Variants in CES5A observed in about 807,000 individuals in gnomAD.
The protein encoded by CES5A is carboxylesterase 5A.
CES5A carries 67 observed loss-of-function variants against 62.9 expected under a neutral mutation model. The observed-to-expected ratio is 1.07, with a 90% confidence interval of 0.88 to 1.31. CES5A has a LOEUF of 1.31. Ranked by LOEUF, CES5A falls within the 50% of genes most tolerant of loss-of-function variation. CES5A has a pLI of 0.00. For missense variants in CES5A, 748 were observed against 708.5 expected (o/e 1.06, Z -0.63); for synonymous variants, 296 against 280.8 (o/e 1.05, Z -0.54).
At chr16:55,929,286 G>T (rs1434886213), upstream of CES5A, among the ~76,000 whole-genome samples, 1 of 152,244 alleles carries the variant, frequency 6.6e-6, no homozygotes, top group Admixed American at 6.5e-5. Context: ...CGCCAAGGGA[G>T]GTGGGCGCTT....
chr16:55,928,485 G>A (rs2034279731), upstream of CES5A, among the ~76,000 whole-genome samples: 1 of 152,146 alleles, frequency 6.6e-6, no homozygotes, highest in Non-Finnish European at 1.5e-5. Flanking sequence ...CACAGTTCAG[G>A]TGACAGGTAC....
intron 1 of CES5A, among the ~76,000 whole-genome samples, chr16:55,880,920 C>T (rs1239499633): frequency 2.6e-5 from 4 of 152,250 alleles, no homozygotes; most frequent in African/African-American, 9.6e-5. Flanking sequence ...GAAAATTAGA[C>T]CCAGAGTCTA....
intron 1 of CES5A, among the ~76,000 whole-genome samples, chr16:55,922,911 G>A (rs2034222761): frequency 6.6e-6 from 1 of 151,388 alleles, no homozygotes; most frequent in Non-Finnish European, 1.5e-5. Context: ...ACAAACATGT[G>A]GAAATTAAAC....
At chr16:55,926,661 C>T (rs1347313504), upstream of CES5A, among the ~76,000 whole-genome samples, 2 of 152,168 alleles carry the variant, frequency 1.3e-5, no homozygotes, top group Non-Finnish European at 2.9e-5. Context: ...GAGAAATGAG[C>T]AGGAATATTG....
At chr16:55,848,735 T>A (rs1018385749) in intron 11 of CES5A, among the ~76,000 whole-genome samples, 1 of 152,234 alleles carries the variant, frequency 6.6e-6, no homozygotes, top group Non-Finnish European at 1.5e-5. Flanking sequence ...TTTTGATACA[T>A]ATGTTGTTGA....
At chr16:55,880,419 T>C (rs1281186178) in intron 1 of CES5A, among the ~76,000 whole-genome samples, 1 of 152,140 alleles carries the variant, frequency 6.6e-6, no homozygotes, top group African/African-American at 2.4e-5. Flanking sequence ...GGGCTCCCAT[T>C]GCTCACAGCA....
intron 2 of CES5A, among the ~76,000 whole-genome samples, chr16:55,937,317 C>A (rs889113102): frequency 2.0e-4 from 31 of 152,198 alleles, no homozygotes; most frequent in African/African-American, 6.8e-4. Context: ...CTCGCTGGGC[C>A]ATGAACTCTC....
intron 1 of CES5A, among the ~76,000 whole-genome samples, chr16:55,951,103 C>CAAAAAAAAAAAAA (rs55951124): frequency 2.9e-4 from 13 of 44,378 alleles, no homozygotes; most frequent in African/African-American, 1.5e-3. Context: ...GACTCCATCT[C>CAAAAAAAAAAAAA]AAAAAAAAAA....
intron 1 of CES5A, among the ~76,000 whole-genome samples, chr16:55,907,632 C>T (rs2034052087): frequency 6.6e-6 from 1 of 152,086 alleles, no homozygotes; most frequent in South Asian, 2.1e-4. Context: ...GTGACATAGG[C>T]CCTCAGGGAA....
intron 1 of CES5A, among the ~76,000 whole-genome samples, chr16:55,953,956 C>T (rs2034582998): frequency 6.6e-6 from 1 of 152,046 alleles, no homozygotes; most frequent in South Asian, 2.1e-4. Flanking sequence ...TATAGTCAGC[C>T]TGTTGTGCTA....
intron 8 of CES5A, among the ~76,000 whole-genome samples, chr16:55,858,900 C>G (rs553650238): frequency 2.8e-4 from 42 of 152,240 alleles, no homozygotes; most frequent in African/African-American, 9.6e-4. Context: ...CGTTTCCTGA[C>G]CACCTGTTAT....
intron 1 of CES5A, among the ~76,000 whole-genome samples, chr16:55,898,353 T>G (rs1404458965): frequency 7.2e-5 from 11 of 152,196 alleles, no homozygotes; most frequent in African/African-American, 2.7e-4. Flanking sequence ...TGATTTTTAT[T>G]TTTTTCATAA....
chr16:55,928,217 T>C (rs1257884572), upstream of CES5A, among the ~76,000 whole-genome samples: 1 of 151,836 alleles, frequency 6.6e-6, no homozygotes, highest in Non-Finnish European at 1.5e-5. Flanking sequence ...CACTCCAGCC[T>C]GGGCGACAGA....
At chr16:55,890,876 A>G (rs2033869414) in intron 1 of CES5A, among the ~76,000 whole-genome samples, 1 of 152,218 alleles carries the variant, frequency 6.6e-6, no homozygotes, top group African/African-American at 2.4e-5. Flanking sequence ...GTTAGACATG[A>G]GTTCTAAATT....
intron 8 of CES5A, among the ~76,000 whole-genome samples, chr16:55,858,987 C>T (rs536191376): frequency 1.3e-5 from 2 of 152,300 alleles, no homozygotes; most frequent in Non-Finnish European, 2.9e-5. Flanking sequence ...TTCTCAATCT[C>T]GTGTCTTATC....
intron 11 of CES5A, among the ~76,000 whole-genome samples, chr16:55,847,987 G>A (rs113121648): frequency 0.031 from 4,681 of 152,176 alleles, 246 homozygotes; most frequent in African/African-American, 0.1. Context: ...ATAGCTCACC[G>A]CAGCTTCCAA....
chr16:55,887,034 T>C (rs2033823572), intron 1 of CES5A, among the ~76,000 whole-genome samples: 1 of 152,086 alleles, frequency 6.6e-6, no homozygotes, highest in African/African-American at 2.4e-5. Flanking sequence ...GGAATGAACT[T>C]GGTATCAACA....
intron 11 of CES5A, among the ~76,000 whole-genome samples, chr16:55,848,888 G>T (rs550887877): frequency 2.0e-5 from 3 of 152,250 alleles, no homozygotes; most frequent in African/African-American, 7.2e-5. Context: ...AACCTAGGAG[G>T]AAGTTCTTTA....
At position 55,861,502 on chromosome 16, in the gene CES5A, T is replaced by G; in HGVS notation, c.825A>C (p.Ala275=). 6.2e-7 allele frequency: 1 copy of G among 1,611,326 alleles called. No individual in the cohort carries two copies. Among genetic ancestry groups the G allele is most frequent in the Non-Finnish European group, 8.5e-7 (1 of 1,177,450 alleles). ...CTGACGCATTGTTACCACAGAAATG[T>G]GCAACCACCTGCAGCTATTTTGTAG... ...YEKSEDLQVV[A]HFCGNNASDS... The change falls in exon 7 of 13, where the codon GCA becomes GCC. Residue 275 remains alanine (A), a synonymous_variant. Transcript: ENST00000290567.
Sources: allele counts gnomAD v4.1 joint callset (sites outside exome capture counted in the v4.1 genomes callset), GRCh38; gene constraint gnomAD v4.1.1; transcripts MANE v1.5; gene names NCBI Gene and HGNC (gene_info 2026-07-23, HGNC 2026-07-21).